PDCD6: variants seen among roughly 807,000 people sequenced by gnomAD.
PDCD6 encodes programmed cell death 6.
Under a neutral mutation model 28.3 loss-of-function variants are expected in PDCD6, and 12 were observed. The observed-to-expected ratio is 0.42, with a 90% confidence interval of 0.27 to 0.69. The LOEUF (loss-of-function observed/expected upper bound fraction) is 0.69. Among genes scored for constraint, PDCD6 ranks in the 30% least tolerant of loss-of-function variants. The pLI is 0.22. For missense variants in PDCD6, 226 were observed against 269.9 expected, an observed-to-expected ratio of 0.84 and a Z score of 1.14; for synonymous variants, 92 against 108.0, an observed-to-expected ratio of 0.85 and a Z score of 0.92.
chr5:291,426 C>CATCGTCTGAGGGGAGCAT (rs1561039215), intron 2 of PDCD6, among the ~76,000 whole-genome samples: 1 of 151,122 alleles, frequency 6.6e-6, no homozygotes, highest in Non-Finnish European at 1.5e-5. Flanking sequence ...CGTGATCTCC[C>CATCGTCTGAGGGGAGCAT]GTCTCCATTC....
At chr5:290,678 A>G (rs1194498642) in intron 2 of PDCD6, among the ~76,000 whole-genome samples, 8 of 152,250 alleles carry the variant, frequency 5.3e-5, no homozygotes, top group Non-Finnish European at 1.0e-4. Flanking sequence ...TGATACTGCT[A>G]TTCTGTGAGT....
intron 5 of PDCD6, 113 bp from the exon 6 acceptor site, chr5:314,304 G>A: frequency 1.4e-6 from 1 of 706,246 alleles, no homozygotes; most frequent in Non-Finnish European, 2.5e-6. Flanking sequence ...GGCTCCATCA[G>A]GGAGCCCAGA....
At chr5:291,547 C>T (rs1429167782) in intron 2 of PDCD6, among the ~76,000 whole-genome samples, 2 of 150,086 alleles carry the variant, frequency 1.3e-5, no homozygotes, top group African/African-American at 2.5e-5. Flanking sequence ...ATTTTCATTG[C>T]TGCGTGATCT....
At chr5:289,272 A>G in intron 2 of PDCD6, 2 of 545,670 alleles carry the variant, frequency 3.7e-6, no homozygotes, top group Non-Finnish European at 6.6e-6. Context: ...ATTCAGCAAC[A>G]ACTACATACA....
chr5:285,754 G>A lies in PDCD6; in HGVS notation c.163+12982G>A, dbSNP rs78542854. ...AGGCCGTGCATTTGGAAACCCTGGG[G>A]TGAGCTGAATTTCCAGTTTGAGAGA... On this transcript the variant is annotated intron_variant, in intron 2 of 5. Coordinates refer to ENST00000264933, the MANE Select transcript of PDCD6 (RefSeq NM_013232.4). Among the ~76,000 whole-genome samples, 5 of 151,900 alleles carry A rather than the reference G, an allele frequency of 3.3e-5. No individual in the cohort carries two copies. The East Asian group carries it at 7.8e-4, about 24-fold the overall frequency.
chr5:295,976 C>G (rs1016297864), intron 2 of PDCD6, among the ~76,000 whole-genome samples: 1 of 151,958 alleles, frequency 6.6e-6, no homozygotes, highest in African/African-American at 2.4e-5. Context: ...CAGGAGGAGG[C>G]AGGTGGCTGG....
intron 2 of PDCD6, among the ~76,000 whole-genome samples, chr5:279,894 C>A (rs1738459621): frequency 1.4e-5 from 2 of 147,028 alleles, no homozygotes; most frequent in Admixed American, 7.0e-5. Flanking sequence ...CACGGGTGTG[C>A]AAAATGTGGC....
intron 2 of PDCD6, among the ~76,000 whole-genome samples, chr5:295,197 A>T (rs77287930): frequency 4.9e-5 from 7 of 143,588 alleles, no homozygotes; most frequent in East Asian, 1.9e-4. Flanking sequence ...AAAACATATT[A>T]AAAAAAACTC....
intron 2 of PDCD6, among the ~76,000 whole-genome samples, chr5:286,848 CTA>C (rs1269358381): frequency 2.0e-5 from 3 of 152,088 alleles, no homozygotes; most frequent in Admixed American, 6.5e-5. Context: ...GAGCTGGAGT[CTA>C]TGTGAGGAGC....
intron 2 of PDCD6, among the ~76,000 whole-genome samples, chr5:301,791 G>A (rs1740073439): frequency 6.6e-6 from 1 of 150,852 alleles, no homozygotes; most frequent in African/African-American, 2.4e-5. Flanking sequence ...TGCTCTGTGT[G>A]TATGCCTCGG....
At chr5:297,954 C>T (rs1348317904) in intron 2 of PDCD6, among the ~76,000 whole-genome samples, 1 of 152,162 alleles carries the variant, frequency 6.6e-6, no homozygotes, top group Admixed American at 6.5e-5. Context: ...AGATCTCAAG[C>T]ACAGGTGAAT....
rs566336447 is a variant in PDCD6, at chr5:302,865, C to A, written c.164-1312C>A. Among the ~76,000 whole-genome samples the A allele has an allele frequency of 6.2e-5, 9 of 144,344 alleles. No homozygotes were observed. The South Asian group carries it at 2.0e-3, about 32-fold the overall frequency. 94.7% of individuals were successfully genotyped at this position (144,344 alleles called of 152,430 possible). A position where few individuals can be genotyped will look rare whatever the true frequency, so the allele number is the denominator to read the frequency against. On this transcript the variant is annotated intron_variant, in intron 2 of 5. Coordinates refer to ENST00000264933, the MANE Select transcript of PDCD6 (RefSeq NM_013232.4). ...GCTTCCCTGCATAACTGCTGGAGGGCGGATCATTGAGTGCTGCTCTGTGTG... is the reference window on the plus strand; with the variant it reads ...GCTTCCCTGCATAACTGCTGGAGGGAGGATCATTGAGTGCTGCTCTGTGTG...
chr5:299,517 A>G (rs1360435524), intron 2 of PDCD6, among the ~76,000 whole-genome samples: 1 of 150,514 alleles, frequency 6.6e-6, no homozygotes, highest in Admixed American at 6.6e-5. Context: ...CTGAAGCTGT[A>G]CTTTTAAGAA....
At chr5:285,156 T>G (rs1738864029) in intron 2 of PDCD6, among the ~76,000 whole-genome samples, 1 of 151,238 alleles carries the variant, frequency 6.6e-6, no homozygotes, top group Non-Finnish European at 1.5e-5. Context: ...GGAGCTGATG[T>G]TGCAATTGGA....
chr5:296,946 C>T (rs6879001), intron 2 of PDCD6, among the ~76,000 whole-genome samples: 55,151 of 150,698 alleles, frequency 0.37, 11,006 homozygotes, highest in South Asian at 0.5. Flanking sequence ...AGTTGAATCT[C>T]ATCTCAAGTT....
rs1333905969 is a variant in PDCD6, at chr5:279,801, AAAAAAC to A, written c.163+7030_163+7035del. The stretch of plus-strand genomic sequence containing the variant: ...GTAATGGCAAAAAAAAAAAAAAAAA[AAAAAAC>A]GAGGAGCCGGTGCTGCAGTTCATTA... On this transcript the variant is annotated intron_variant, in intron 2 of 5. Coordinates refer to ENST00000264933, the MANE Select transcript of PDCD6 (RefSeq NM_013232.4). 2.4e-4 allele frequency among the ~76,000 whole-genome samples: 36 copies of A among 148,470 alleles called. 1 individual carries two copies. Among genetic ancestry groups the A allele is most frequent in the African/African-American group, 8.2e-4 (32 of 38,844 alleles).
Position 271,725 on chromosome 5 carries a change from C to T in PDCD6, c.5C>T (p.Ala2Val). The change falls in exon 1 of 6, where the codon GCC becomes GTC. Residue 2 changes from alanine (A) to valine (V), a missense_variant. By Grantham distance (64) the Ala-to-Val change is moderately conservative. Around this residue, in one of 3 missense-constraint regions of PDCD6, gnomAD observed 72 missense variants for 71.4 expected, o/e 1.01. Transcript: ENST00000264933. Reference protein sequence around the residue: MAAYSYRPGPGA... With the variant: MVAYSYRPGPGA... ...CCCAGCCGCGTGCCTTGGCCCATGG[C>T]CGCCTACTCTTACCGCCCCGGCCCT... 4 of 1,533,512 alleles carry T rather than the reference C, an allele frequency of 2.6e-6. No homozygotes were observed. Among genetic ancestry groups the T allele is most frequent in the Non-Finnish European group, 3.5e-6 (4 of 1,143,990 alleles). 95.0% of individuals were successfully genotyped at this position (1,533,512 alleles called of 1,614,324 possible).
chr5:297,698 GA>G, intron 2 of PDCD6, among the ~76,000 whole-genome samples: 1 of 152,142 alleles, frequency 6.6e-6, no homozygotes, highest in Admixed American at 6.5e-5. Context: ...CGGCCCACAA[GA>G]AAATGACACC....
chr5:285,285 G>GGC (rs2126707809), intron 2 of PDCD6, among the ~76,000 whole-genome samples: 1 of 152,124 alleles, frequency 6.6e-6, no homozygotes, highest in South Asian at 2.1e-4. Flanking sequence ...GAGACCCGGG[G>GGC]GGGAACTGAT....
Sources: gnomAD v4.1 joint callset for allele counts (sites outside exome capture counted in the v4.1 genomes callset) on GRCh38, gnomAD v4.1.1 for gene constraint, gnomAD v4.1.1 regional missense constraint, MANE v1.5 for transcripts, NCBI Gene and HGNC (gene_info 2026-07-23, HGNC 2026-07-21) for gene names.